The following SLC12A7 variants were observed in gnomAD, a reference collection of about 807,000 sequenced individuals.
SLC12A7 encodes K-Cl cotransporter 4.
A neutral mutation model predicts 120.6 loss-of-function variants in SLC12A7; 100 were observed. The observed-to-expected ratio is 0.83, with a 90% confidence interval of 0.71 to 0.98. The LOEUF (loss-of-function observed/expected upper bound fraction) is 0.98. SLC12A7 is among the 50% of genes least tolerant of loss of function. The pLI is 0.00. For synonymous variants in SLC12A7, 760 were observed against 678.0 expected, an observed-to-expected ratio of 1.12 and a Z score of -1.88; for missense variants, 1,373 against 1,548.1, an observed-to-expected ratio of 0.89 and a Z score of 1.90.
chr5:1,094,355 A>C (rs756187863), intron 1 of SLC12A7, 107 bp from the exon 2 acceptor site: 104 of 778,400 alleles, frequency 1.3e-4, no homozygotes, highest in Non-Finnish European at 2.2e-4. Context: ...ACCAGCTGTC[A>C]CCTCTAAACC....
rs1211092554 is a variant in SLC12A7 at position 1,088,358 on chromosome 5, T to G, written c.492A>C (p.Thr164=). ...FLIVAMCCTC[T]MLTAISMSAI... is the part of the protein sequence containing the mutation. ...CACTCATGGAAATGGCGGTCAGCAT[T>G]GTCTGCAAAAAGACAGGCAGCCATC... Residue 164 remains threonine, a splice_region_variant and synonymous_variant, in exon 5 of 24, where the codon ACA becomes ACC. Coordinates refer to ENST00000264930, the MANE Select transcript of SLC12A7 (RefSeq NM_006598.3). The G allele has an allele frequency of 1.9e-6, 3 of 1,579,718 alleles. No homozygotes were observed. The highest frequency in any genetic ancestry group is 1.7e-6 in the Non-Finnish European group (2 of 1,162,898).
rs779729204 is a variant in SLC12A7, at chr5:1,093,581, G to A, written c.294C>T (p.Gly98=). The part of the protein sequence containing the change: ...KLANYTNLSQ[G]VVEHEEDEES... ...CCTCGTCCTCCTCGTGCTCCACCAC[G>A]CCCTGGCTCAGGTTGGTGTAGTTGG... The change falls in exon 3 of 24, where the codon GGC becomes GGT. Residue 98 remains glycine (G), a synonymous_variant. Coordinates refer to ENST00000264930, the MANE Select transcript of SLC12A7 (RefSeq NM_006598.3). 18 of 1,611,684 alleles carry A rather than the reference G, an allele frequency of 1.1e-5. No homozygotes were observed. Among genetic ancestry groups the A allele is most frequent in the Middle Eastern group, 1.7e-4 (1 of 6,038 alleles).
chr5:1,073,872 A>T, intron 16 of SLC12A7, 71 bp from the exon 17 acceptor site: 1 of 1,310,170 alleles, frequency 7.6e-7, no homozygotes, highest in Non-Finnish European at 9.8e-7. Flanking sequence ...CAGGCAGGGC[A>T]GATGGGACGG....
the SLC12A7 span, among the ~76,000 whole-genome samples, chr5:1,153,726 C>T: frequency 6.6e-6 from 1 of 152,316 alleles, no homozygotes; most frequent in African/African-American, 2.4e-5. Context: ...CACTAACCGG[C>T]GACCTGCAGA....
intron 21 of SLC12A7, among the ~76,000 whole-genome samples, chr5:1,059,545 TCCCGCTACCAGGTGA>T (rs1735969966): frequency 6.6e-6 from 1 of 152,124 alleles, no homozygotes; most frequent in African/African-American, 2.4e-5. Flanking sequence ...GAGCTGAGCA[TCCCGCTACCAGGTGA>T]CCCCCGTGCT....
chr5:1,106,444 T>G (rs1742534113), intron 1 of SLC12A7, among the ~76,000 whole-genome samples: 1 of 99,544 alleles, frequency 1.0e-5, no homozygotes, highest in Non-Finnish European at 1.8e-5. Context: ...CAGAGTGAAC[T>G]CTGTCTCAAA....
Position 1,093,548 on chromosome 5 carries a change from C to T in SLC12A7, c.327G>A (p.Arg109=). Residue 109 remains arginine, a synonymous_variant, in exon 3 of 24, where the codon CGG becomes CGA. Transcript: ENST00000264930. ...VVEHEEDEES[R]RREAKAPRMG... is the part of the protein sequence containing the mutation. ...GTGGCAGTACCTTGGCCTCCCGCCG[C>T]CGGCTCTCCTCGTCCTCCTCGTGCT... 1 of 1,596,774 alleles carries T rather than the reference C, an allele frequency of 6.3e-7. No homozygotes were observed. The highest frequency in any genetic ancestry group is 8.5e-7 in the Non-Finnish European group (1 of 1,172,918).
intron 1 of SLC12A7, among the ~76,000 whole-genome samples, chr5:1,109,028 C>T (rs1305666590): frequency 1.3e-5 from 2 of 152,188 alleles, no homozygotes; most frequent in African/African-American, 4.8e-5. Context: ...CCTGGGAGAG[C>T]CCCAGCTGAG....
At position 1,051,842 on chromosome 5, in the gene SLC12A7, A is replaced by G. The variant is rs1158077204; in HGVS notation, c.*518T>C. On this transcript the variant is annotated 3_prime_UTR_variant, in exon 24 of 24. Coordinates refer to ENST00000264930, the MANE Select transcript of SLC12A7 (RefSeq NM_006598.3). ...TCCTCCAGCTTCAGTGCCTTGAGGT[A>G]CAGAAACACAAAGACAGTCAAGGAA... The G allele has an allele frequency of 6.5e-6, 1 of 154,376 alleles. No individual in the cohort carries two copies. Among genetic ancestry groups the G allele is most frequent in the African/African-American group, 2.4e-5 (1 of 41,270 alleles). 9.6% of individuals were successfully genotyped at this position (154,376 alleles called of 1,614,324 possible). A position where few individuals can be genotyped will look rare whatever the true frequency, so the allele number is the denominator to read the frequency against.
At chr5:1,077,120 G>T (rs902151407) in intron 12 of SLC12A7, among the ~76,000 whole-genome samples, 4 of 140,446 alleles carry the variant, frequency 2.8e-5, no homozygotes, top group African/African-American at 1.0e-4. Context: ...GGCACTCGCG[G>T]TTCCCCAGAC....
At position 1,052,204 on chromosome 5, in the gene SLC12A7, G is replaced by A; in HGVS notation, c.*156C>T. 1.5e-6 allele frequency: 1 copy of A among 662,344 alleles called. No homozygotes were observed. Among genetic ancestry groups the A allele is most frequent in the Non-Finnish European group, 2.7e-6 (1 of 369,178 alleles). 41.0% of individuals were successfully genotyped at this position (662,344 alleles called of 1,614,324 possible). A position where few individuals can be genotyped will look rare whatever the true frequency, so the allele number is the denominator to read the frequency against. ...CTGAACAGGAGAGCCCTAGGTGACG[G>A]GCCTAGAAACTTCCGTAGGAAGCCC... On this transcript the variant is annotated 3_prime_UTR_variant, in exon 24 of 24. Coordinates refer to ENST00000264930, the MANE Select transcript of SLC12A7 (RefSeq NM_006598.3).
chr5:1,102,203 G>A (rs1258153819), intron 1 of SLC12A7, among the ~76,000 whole-genome samples: 1 of 152,144 alleles, frequency 6.6e-6, no homozygotes, highest in Non-Finnish European at 1.5e-5. Context: ...GCCAGAGGAG[G>A]GGCAGCCCCT....
chr5:1,086,782 C>G, intron 6 of SLC12A7, 121 bp downstream of exon 6: 1 of 1,362,670 alleles, frequency 7.3e-7, no homozygotes, highest in Non-Finnish European at 1.0e-6. Flanking sequence ...CAGGGGCAGC[C>G]AGGGCAGTGG....
upstream of SLC12A7, among the ~76,000 whole-genome samples, chr5:1,113,075 A>G (rs1743164842): frequency 6.6e-6 from 1 of 152,178 alleles, no homozygotes; most frequent in Admixed American, 6.5e-5. Flanking sequence ...AGCACCTGGC[A>G]CATTTCTCAA....
At chr5:1,111,686 CT>C (rs1743020759) in intron 1 of SLC12A7, among the ~76,000 whole-genome samples, 181 bp downstream of exon 1, 1 of 152,168 alleles carries the variant, frequency 6.6e-6, no homozygotes, top group Non-Finnish European at 1.5e-5. Flanking sequence ...CCCTCGCCCC[CT>C]AGCGCTGCCA....
chr5:1,101,001 T>C (rs985734498), intron 1 of SLC12A7, among the ~76,000 whole-genome samples: 17 of 152,130 alleles, frequency 1.1e-4, no homozygotes, highest in Non-Finnish European at 5.9e-5. Flanking sequence ...CCCGCACCCA[T>C]GGCCAGCTCC....
chr5:1,075,994 G>T, intron 14 of SLC12A7, 144 bp downstream of exon 14: 1 of 653,898 alleles, frequency 1.5e-6, no homozygotes. Flanking sequence ...GGGTCTTCAG[G>T]CCCAGAGCAG....
At chr5:1,110,914 G>T (rs1405889256) in intron 1 of SLC12A7, among the ~76,000 whole-genome samples, 2 of 152,248 alleles carry the variant, frequency 1.3e-5, no homozygotes, top group Non-Finnish European at 2.9e-5. Context: ...GCCTGGAGGG[G>T]ATGTCTGGCC....
intron 14 of SLC12A7, 116 bp from the exon 15 acceptor site, chr5:1,075,606 AAC>A: frequency 7.1e-7 from 1 of 1,412,598 alleles, no homozygotes; most frequent in South Asian, 1.5e-5. Flanking sequence ...ACACTAGGAA[AAC>A]AGTCACTGAC....
Sources: gnomAD v4.1 joint callset for allele counts (sites outside exome capture counted in the v4.1 genomes callset) on GRCh38, gnomAD v4.1.1 for gene constraint, MANE v1.5 for transcripts, NCBI Gene and HGNC (gene_info 2026-07-23, HGNC 2026-07-21) for gene names.